The following AFF3 variants were observed in gnomAD, a reference collection of about 807,000 sequenced individuals.
The protein encoded by AFF3 is AF4/FMR2 family member 3.
In AFF3, 32 loss-of-function variants were observed where a neutral mutation model predicts 129.7. The observed-to-expected ratio is 0.25, with a 90% confidence interval of 0.19 to 0.33. AFF3 has a LOEUF of 0.33. AFF3 is among the 10% of genes least tolerant of loss of function. AFF3 has a pLI of 1.00. For missense variants in AFF3, 1,373 were observed against 1,592.0 expected, an observed-to-expected ratio of 0.86 and a Z score of 2.34; for synonymous variants, 644 against 635.4, an observed-to-expected ratio of 1.01 and a Z score of -0.20.
At chr2:99,639,790 T>C (rs2105480611) in intron 13 of AFF3, among the ~76,000 whole-genome samples, 1 of 151,758 alleles carries the variant, frequency 6.6e-6, no homozygotes, top group East Asian at 1.9e-4. Flanking sequence ...TGGGTTCAAG[T>C]GATTCTCCTG....
At chr2:99,815,665 T>C (rs1478884205) in intron 8 of AFF3, among the ~76,000 whole-genome samples, 2 of 152,170 alleles carry the variant, frequency 1.3e-5, no homozygotes, top group African/African-American at 4.8e-5. Flanking sequence ...CCTTAACGTC[T>C]GAAGCATATT....
intron 11 of AFF3, chr2:99,707,733 A>G (rs539338721): frequency 1.2e-6 from 1 of 812,206 alleles, no homozygotes; most frequent in East Asian, 1.3e-4. Context: ...GCCAATCTTC[A>G]GGCTAAAGAG....
chr2:99,633,322 G>A (rs1475468394), intron 13 of AFF3, among the ~76,000 whole-genome samples: 1 of 152,120 alleles, frequency 6.6e-6, no homozygotes, highest in East Asian at 1.9e-4. Flanking sequence ...CAGTGATGAG[G>A]GTCACCAAAA....
intron 7 of AFF3, among the ~76,000 whole-genome samples, chr2:99,958,840 C>T (rs935241097): frequency 5.9e-5 from 9 of 151,838 alleles, no homozygotes; most frequent in Non-Finnish European, 1.2e-4. Flanking sequence ...AGGCCGGGTG[C>T]GGTGGTTCAT....
intron 4 of AFF3, among the ~76,000 whole-genome samples, chr2:100,069,332 G>A (rs537666425): frequency 6.6e-6 from 1 of 152,128 alleles, no homozygotes; most frequent in African/African-American, 2.4e-5. Flanking sequence ...CCCTCCAGAG[G>A]GGGGTCCAGG....
chr2:99,977,503 A>G lies in AFF3; in HGVS notation c.873+29129T>C, dbSNP rs369525039. ...TGGTAGTAGAAATTGTGTGAATGCC[A>G]ATTTTTTTTAAAAATCAGTATTTAA... On this transcript the variant is annotated intron_variant, in intron 7 of 24. Transcript: ENST00000672756. Among the ~76,000 whole-genome samples, 7 of 152,242 alleles carry G rather than the reference A, an allele frequency of 4.6e-5. No individual in the cohort carries two copies. The East Asian group carries it at 1.3e-3, about 29-fold the overall frequency.
chr2:99,675,398 C>T (rs866234837), intron 11 of AFF3, among the ~76,000 whole-genome samples: 1 of 152,294 alleles, frequency 6.6e-6, no homozygotes, highest in East Asian at 1.9e-4. Flanking sequence ...GAGACGACCA[C>T]GGCCATACCG....
chr2:99,636,697 A>G (rs2049400), intron 13 of AFF3, among the ~76,000 whole-genome samples: 130,351 of 152,232 alleles, frequency 0.86, 55,947 homozygotes, highest in East Asian at 0.93. Flanking sequence ...GAGGGCCAGC[A>G]AGAGGACACG....
intron 8 of AFF3, among the ~76,000 whole-genome samples, chr2:99,752,514 G>A (rs1681742916): frequency 6.6e-6 from 1 of 151,972 alleles, no homozygotes; most frequent in Admixed American, 6.6e-5. Flanking sequence ...CTCTCCCCAT[G>A]CTCCCTTTAT....
intron 7 of AFF3, among the ~76,000 whole-genome samples, chr2:99,968,084 C>T (rs1269567870): frequency 1.3e-5 from 2 of 152,214 alleles, no homozygotes; most frequent in East Asian, 3.9e-4. Flanking sequence ...ACACATCCAT[C>T]TTTGCCCTGT....
chr2:99,928,016 G>GCT (rs529868575), intron 7 of AFF3, among the ~76,000 whole-genome samples: 352 of 152,196 alleles, frequency 2.3e-3, no homozygotes, highest in Admixed American at 3.5e-3. Context: ...CCCTACACAA[G>GCT]CTCTCTCTCT....
At chr2:99,783,838 G>C (rs958173711) in intron 8 of AFF3, among the ~76,000 whole-genome samples, 2 of 152,206 alleles carry the variant, frequency 1.3e-5, no homozygotes, top group Non-Finnish European at 2.9e-5. Context: ...CCTGGAAAGG[G>C]AAAGTGATTC....
At position 99,956,448 on chromosome 2, in the gene AFF3, G is replaced by T. The variant is rs376172602; in HGVS notation, c.873+50184C>A. Among the ~76,000 whole-genome samples the T allele has an allele frequency of 3.8e-4, 58 of 152,198 alleles. 1 individual carries two copies. In the South Asian group the frequency reaches 0.01, roughly 27 times the overall value. On this transcript the variant is annotated intron_variant, in intron 7 of 24. Coordinates refer to ENST00000672756, the MANE Select transcript of AFF3 (RefSeq NM_001386135.1). Reference sequence around the variant, plus strand: ...AAAAGCCACTGAAGTTGGAGGGGGGGGCTGTTTGTTACCGAAGCATAACTT... The same window carrying T: ...AAAAGCCACTGAAGTTGGAGGGGGGTGCTGTTTGTTACCGAAGCATAACTT...
intron 7 of AFF3, among the ~76,000 whole-genome samples, chr2:99,938,966 C>T (rs977622345): frequency 2.6e-5 from 4 of 152,164 alleles, no homozygotes; most frequent in Admixed American, 6.5e-5. Context: ...GGTCATTACT[C>T]GCTCTTATAT....
At chr2:99,932,303 C>CA (rs773605284) in intron 7 of AFF3, among the ~76,000 whole-genome samples, 1 of 152,038 alleles carries the variant, frequency 6.6e-6, no homozygotes, top group Non-Finnish European at 1.5e-5. Flanking sequence ...CCAGGGAAGC[C>CA]AAAAAACTGG....
rs1682096040 is a variant in AFF3 at position 100,007,673 on chromosome 2, A to T, written c.175-213T>A. 4 of 588,170 alleles carry T rather than the reference A, an allele frequency of 6.8e-6. No individual in the cohort carries two copies. In the East Asian group the frequency reaches 1.1e-4, roughly 17 times the overall value. The allele number at this position is 588,170 out of a possible 1,614,324, so 36.4% of individuals were successfully genotyped here. On this transcript the variant is annotated intron_variant, in intron 5 of 24. Transcript: ENST00000672756. The stretch of plus-strand genomic sequence containing the variant: ...AGCCTGTAATGGCCTTGGGGTGCAT[A>T]AAAAGGGATCTATCCGGCCGGGCGC...
chr2:99,669,598 T>C (rs899178037), intron 12 of AFF3, among the ~76,000 whole-genome samples: 8 of 152,228 alleles, frequency 5.3e-5, no homozygotes, highest in African/African-American at 1.9e-4. Context: ...ACCTGGGTCA[T>C]GTCTGTATTT....
At chr2:100,005,635 C>T (rs979335440) in intron 7 of AFF3, among the ~76,000 whole-genome samples, 4 of 152,130 alleles carry the variant, frequency 2.6e-5, no homozygotes, top group African/African-American at 4.8e-5. Context: ...AAAAAAGTTA[C>T]GGTATACCTG....
intron 7 of AFF3, among the ~76,000 whole-genome samples, chr2:99,914,682 G>A (rs191648077): frequency 0.015 from 2,323 of 152,096 alleles, 64 homozygotes; most frequent in African/African-American, 0.053. Flanking sequence ...TTGGGAGGCC[G>A]AGGCGGGGGG....
Sources: gnomAD v4.1 joint callset for allele counts (sites outside exome capture counted in the v4.1 genomes callset) on GRCh38, gnomAD v4.1.1 for gene constraint, MANE v1.5 for transcripts, NCBI Gene and HGNC (gene_info 2026-07-23, HGNC 2026-07-21) for gene names.